The following ACAD11 variants were observed in gnomAD, a reference collection of about 807,000 sequenced individuals.
ACAD11 encodes the protein acyl-CoA dehydrogenase family member 11.
ACAD11 carries 83 observed loss-of-function variants against 102.2 expected under a neutral mutation model. The ratio of observed to expected loss-of-function variants is 0.81; its 90% CI spans 0.68 to 0.97. The LOEUF (loss-of-function observed/expected upper bound fraction) is 0.97. Ranked by LOEUF, ACAD11 falls within the 50% of genes least tolerant of loss-of-function variation. The pLI, the probability that ACAD11 is intolerant of heterozygous loss-of-function variation, is 0.00. For missense variants in ACAD11, 901 were observed against 951.7 expected, an observed-to-expected ratio of 0.95 and a Z score of 0.70; for synonymous variants, 324 against 319.8, an observed-to-expected ratio of 1.01 and a Z score of -0.14.
In ACAD11 at chr3:132,567,373, T is replaced by C. The variant is rs1937243281; in HGVS notation, c.2002-6156A>G. On this transcript the variant is annotated intron_variant, in intron 17 of 19. Transcript: ENST00000264990. The stretch of plus-strand genomic sequence containing the variant: ...CAAACTGGTAAAATGATGACACCAA[T>C]AGACTTTAATAAGATCTAGAGAGAA... Among the ~76,000 whole-genome samples, 4 of 152,104 alleles carry C rather than the reference T, an allele frequency of 2.6e-5. 1 individual carries two copies. The highest frequency in any genetic ancestry group is 4.1e-4 in the South Asian group (2 of 4,830).
intron 1 of ACAD11, among the ~76,000 whole-genome samples, chr3:132,650,624 T>A (rs189768974): frequency 6.6e-6 from 1 of 152,152 alleles, no homozygotes; most frequent in East Asian, 1.9e-4. Flanking sequence ...GAAAGTACAA[T>A]TCATGATAGA....
intron 12 of ACAD11, 136 bp downstream of exon 12, chr3:132,604,962 A>G (rs1559953108): frequency 1.8e-6 from 1 of 558,806 alleles, no homozygotes; most frequent in Non-Finnish European, 3.1e-6. Context: ...AACAGGCTCA[A>G]AATAAACATA....
At chr3:132,588,844 A>G (rs1204384000) in intron 13 of ACAD11, among the ~76,000 whole-genome samples, 1 of 152,136 alleles carries the variant, frequency 6.6e-6, no homozygotes, top group Non-Finnish European at 1.5e-5. Context: ...ATTGTTTATC[A>G]TTGTTTATAT....
intron 11 of ACAD11, among the ~76,000 whole-genome samples, chr3:132,615,378 A>G (rs1243800357): frequency 2.0e-5 from 3 of 152,244 alleles, no homozygotes; most frequent in African/African-American, 7.2e-5. Flanking sequence ...ATGCACATGT[A>G]TGTTTATTGC....
In ACAD11 at chr3:132,628,442, A is replaced by T. The variant is rs1164148050; in HGVS notation, c.968T>A (p.Val323Glu). Residue 323 changes from valine to glutamate, a missense_variant, in exon 8 of 20, where the codon GTA becomes GAA. By Grantham distance (121) the Val-to-Glu change is moderately radical. Coordinates refer to ENST00000264990, the MANE Select transcript of ACAD11 (RefSeq NM_032169.5). ...ATTTCCCAGAAGATATCTGCTATAT[A>T]CTCCCTATAAATAAACATAGAACAA... ...YFKMAGIAQG[V>E]YSRYLLGNNS... is the part of the protein sequence containing the mutation. 1 of 1,582,580 alleles carries T rather than the reference A, an allele frequency of 6.3e-7. No homozygotes were observed. Among genetic ancestry groups the T allele is most frequent in the Non-Finnish European group, 8.6e-7 (1 of 1,158,936 alleles).
rs200372423 is a variant in ACAD11, at chr3:132,596,435, A to T, written c.1621+6794T>A. ...CCCCTGAACTTAAAAGTTTTTTTTT[A>T]AAAAAGAGAAAAATAGAAAAAATGG... On this transcript the variant is annotated intron_variant, in intron 13 of 19. Coordinates refer to ENST00000264990, the MANE Select transcript of ACAD11 (RefSeq NM_032169.5). 5.8e-4 allele frequency among the ~76,000 whole-genome samples: 88 copies of T among 152,228 alleles called. 3 individuals are homozygous for T. In the South Asian group the frequency reaches 0.013, roughly 22 times the overall value.
At chr3:132,599,187 C>CAATA (rs1171521448) in intron 13 of ACAD11, among the ~76,000 whole-genome samples, 3 of 151,460 alleles carry the variant, frequency 2.0e-5, no homozygotes, top group Non-Finnish European at 2.9e-5. Flanking sequence ...ATAACCTGGT[C>CAATA]AATAAATAAA....
At chr3:132,613,939 A>C (rs1939285320) in intron 11 of ACAD11, among the ~76,000 whole-genome samples, 1 of 152,060 alleles carries the variant, frequency 6.6e-6, no homozygotes, top group South Asian at 2.1e-4. Context: ...ATCTCAGCCC[A>C]AAATCTCCTT....
At chr3:132,644,620 C>T (rs1456182197) in intron 2 of ACAD11, among the ~76,000 whole-genome samples, 177 bp downstream of exon 2, 1 of 151,872 alleles carries the variant, frequency 6.6e-6, no homozygotes, top group Non-Finnish European at 1.5e-5. Context: ...ATTTCAACCT[C>T]AAATAATTTT....
At chr3:132,576,641 A>C (rs1937528375) in intron 16 of ACAD11, among the ~76,000 whole-genome samples, 1 of 152,214 alleles carries the variant, frequency 6.6e-6, no homozygotes, top group African/African-American at 2.4e-5. Flanking sequence ...CCAACACTTA[A>C]ATAAAACCTC....
chr3:132,640,015 C>T (rs1446881821), intron 4 of ACAD11, among the ~76,000 whole-genome samples: 1 of 151,700 alleles, frequency 6.6e-6, no homozygotes, highest in Non-Finnish European at 1.5e-5. Context: ...CACACACACA[C>T]ACACAAATAT....
intron 11 of ACAD11, among the ~76,000 whole-genome samples, chr3:132,614,899 T>C (rs1315950904): frequency 6.6e-6 from 1 of 152,088 alleles, no homozygotes; most frequent in Admixed American, 6.6e-5. Flanking sequence ...ACCTACAGAA[T>C]GGGAGAAAAA....
intron 13 of ACAD11, among the ~76,000 whole-genome samples, chr3:132,599,599 G>A (rs1938478565): frequency 6.6e-6 from 1 of 152,164 alleles, no homozygotes; most frequent in Non-Finnish European, 1.5e-5. Flanking sequence ...ATGTGTGGAA[G>A]AGTGCAGATT....
intron 11 of ACAD11, chr3:132,618,395 C>G (rs1391360759): frequency 1.8e-5 from 8 of 440,450 alleles, no homozygotes; most frequent in South Asian, 5.8e-5. Context: ...CGACCAATCC[C>G]TTTGGTGGCT....
intron 17 of ACAD11, among the ~76,000 whole-genome samples, chr3:132,570,509 T>A (rs908326307): frequency 4.6e-5 from 7 of 152,200 alleles, no homozygotes; most frequent in Non-Finnish European, 1.5e-5. Flanking sequence ...ATATCTTTTT[T>A]ATTTACTTTT....
chr3:132,563,094 T>C (rs886943041), intron 17 of ACAD11, among the ~76,000 whole-genome samples: 1 of 152,234 alleles, frequency 6.6e-6, no homozygotes, highest in African/African-American at 2.4e-5. Flanking sequence ...ACCTTTTCCA[T>C]TGAACTGCCT....
intron 1 of ACAD11, among the ~76,000 whole-genome samples, chr3:132,649,043 T>C (rs1345544199): frequency 6.6e-6 from 1 of 152,212 alleles, no homozygotes; most frequent in Non-Finnish European, 1.5e-5. Context: ...TTGGTAAAAG[T>C]CATCACCATT....
At chr3:132,610,388 G>A (rs1030932837) in intron 11 of ACAD11, among the ~76,000 whole-genome samples, 36 of 152,168 alleles carry the variant, frequency 2.4e-4, no homozygotes, top group African/African-American at 8.2e-4. Context: ...AGAACTGAAG[G>A]AAATACAGAC....
chr3:132,561,810 G>A (rs1937067282), intron 17 of ACAD11, among the ~76,000 whole-genome samples: 1 of 152,206 alleles, frequency 6.6e-6, no homozygotes, highest in Admixed American at 6.5e-5. Context: ...CCCTGGTGCT[G>A]CCCCTTTTTA....
Sources: allele counts gnomAD v4.1 joint callset (sites outside exome capture counted in the v4.1 genomes callset), GRCh38; gene constraint gnomAD v4.1.1; transcripts MANE v1.5; gene names NCBI Gene and HGNC (gene_info 2026-07-23, HGNC 2026-07-21).